PCDHGB5: variants seen among roughly 807,000 people sequenced by gnomAD.
PCDHGB5 encodes the protein protocadherin gamma-B5.
PCDHGB5 carries 48 observed loss-of-function variants against 62.9 expected under a neutral mutation model. The ratio of observed to expected loss-of-function variants is 0.76; its 90% CI spans 0.61 to 0.97. PCDHGB5 has a LOEUF of 0.97. Among genes scored for constraint, PCDHGB5 ranks in the 50% least tolerant of loss-of-function variants. The pLI is 0.00. For synonymous variants in PCDHGB5, 474 were observed against 511.2 expected (o/e 0.93, Z 0.98); for missense variants, 1,118 against 1,198.6 (o/e 0.93, Z 0.99).
rs1333951046 is a variant in PCDHGB5, at chr5:141,485,847, C to T, written c.2398-8960C>T. 10 of 1,614,092 alleles carry T rather than the reference C, an allele frequency of 6.2e-6. No individual in the cohort carries two copies. In the African/African-American group the frequency reaches 8.0e-5, roughly 13 times the overall value. On this transcript the variant is annotated intron_variant, in intron 1 of 3. Transcript: ENST00000617380. This position sits in a 1 kb window ranked among gnomAD's most constrained non-coding sequence, Gnocchi z 5.7. ...GGAGGGAACCCGCCGAGATCTGGCA[C>T]CGCAGAGCTCCGGGTATCCGTGCTG...
At chr5:141,460,453 A>G (rs1487816393) in intron 1 of PCDHGB5, among the ~76,000 whole-genome samples, 1 of 152,152 alleles carries the variant, frequency 6.6e-6, no homozygotes, top group Non-Finnish European at 1.5e-5. Flanking sequence ...ATGAAGATTC[A>G]TATTTTTTTC....
At chr5:141,446,221 T>C (rs2098493855) in intron 1 of PCDHGB5, among the ~76,000 whole-genome samples, 1 of 152,164 alleles carries the variant, frequency 6.6e-6, no homozygotes, top group African/African-American at 2.4e-5. Flanking sequence ...AATATTGTTG[T>C]GTTGCCTGGC....
intron 1 of PCDHGB5, chr5:141,471,339 C>G (rs537413312): frequency 2.6e-5 from 4 of 152,366 alleles, no homozygotes; most frequent in Admixed American, 2.6e-4. Context: ...GTATGATCCA[C>G]TGCGCCCGGC....
chr5:141,408,909 A>G lies in PCDHGB5; in HGVS notation c.2397+8385A>G, dbSNP rs746399377. On this transcript the variant is annotated intron_variant, in intron 1 of 3. Transcript: ENST00000617380. ...ATAGAAATTTCTGTCAAGGATACCA[A>G]TGATAACCCCCCGGTTTTCAGCAGA... 1.3e-5 allele frequency: 21 copies of G among 1,613,442 alleles called. No individual in the cohort carries two copies. In the East Asian group the frequency reaches 2.5e-4, roughly 19 times the overall value.
chr5:141,477,878 C>T lies in PCDHGB5; in HGVS notation c.2398-16929C>T. On this transcript the variant is annotated intron_variant, in intron 1 of 3. Coordinates refer to ENST00000617380, the MANE Select transcript of PCDHGB5 (RefSeq NM_018925.3). The surrounding 1 kb of genome is among the most constrained non-coding windows in gnomAD (Gnocchi z 4.9). ...GCTGCCTCGAGGTACCTCAGCTGGC[C>T]ACCTAGTGTCACGGGTGGTAGGCTG... 2.5e-6 allele frequency: 4 copies of T among 1,614,158 alleles called. No individual in the cohort carries two copies. Among genetic ancestry groups the T allele is most frequent in the Non-Finnish European group, 3.4e-6 (4 of 1,180,008 alleles).
chr5:141,415,105 C>T (rs1472993181), intron 1 of PCDHGB5: 1 of 1,613,652 alleles, frequency 6.2e-7, no homozygotes, highest in African/African-American at 1.3e-5. Flanking sequence ...CGCGCTCAAG[C>T]AAAGCCTCGT....
intron 1 of PCDHGB5, among the ~76,000 whole-genome samples, chr5:141,445,356 A>C (rs1333905692): frequency 6.6e-6 from 1 of 152,202 alleles, no homozygotes; most frequent in Non-Finnish European, 1.5e-5. Flanking sequence ...TGTCTGCCCA[A>C]GTCTGGTCCT....
intron 1 of PCDHGB5, chr5:141,409,917 C>G: frequency 6.2e-7 from 1 of 1,613,376 alleles, no homozygotes; most frequent in South Asian, 1.1e-5. Flanking sequence ...CCTGACGGCT[C>G]CGCGTTCTTC....
intron 3 of PCDHGB5, among the ~76,000 whole-genome samples, chr5:141,506,925 A>G (rs1287267937): frequency 1.3e-5 from 2 of 152,152 alleles, no homozygotes; most frequent in African/African-American, 4.8e-5. Context: ...ATACTAAACA[A>G]ACTTTAGGGG....
intron 1 of PCDHGB5, among the ~76,000 whole-genome samples, chr5:141,455,138 T>C (rs1393664563): frequency 6.6e-6 from 1 of 151,028 alleles, no homozygotes; most frequent in Non-Finnish European, 1.5e-5. Context: ...TTACACTGTG[T>C]TAAATAAATA....
At chr5:141,488,472 T>C (rs1183465817) in intron 1 of PCDHGB5, among the ~76,000 whole-genome samples, 1 of 152,096 alleles carries the variant, frequency 6.6e-6, no homozygotes, top group East Asian at 1.9e-4. Context: ...CCAGAAATGT[T>C]CCCCTACCCA....
chr5:141,452,358 T>C (rs2098739424), intron 1 of PCDHGB5, among the ~76,000 whole-genome samples: 1 of 152,236 alleles, frequency 6.6e-6, no homozygotes, highest in African/African-American at 2.4e-5. Context: ...CCAAAAGCCT[T>C]GCTTCATTTT....
intron 1 of PCDHGB5, among the ~76,000 whole-genome samples, chr5:141,467,304 C>T (rs567912553): frequency 2.0e-5 from 3 of 152,266 alleles, no homozygotes; most frequent in Admixed American, 6.5e-5. Flanking sequence ...CCACTCACCT[C>T]GGCCTCCCAC....
At chr5:141,478,345 C>T (rs755421316) in intron 1 of PCDHGB5, 3 of 1,613,850 alleles carry the variant, frequency 1.9e-6, no homozygotes, top group East Asian at 4.5e-5. Context: ...CCTCCTTGCA[C>T]GCGGACGCCG....
Position 141,476,836 on chromosome 5 carries a change from T to G in PCDHGB5, c.2398-17971T>G. 1 of 1,613,652 alleles carries G rather than the reference T, an allele frequency of 6.2e-7. No homozygotes were observed. The highest frequency in any genetic ancestry group is 8.5e-7 in the Non-Finnish European group (1 of 1,180,042). On this transcript the variant is annotated intron_variant, in intron 1 of 3. Coordinates refer to ENST00000617380, the MANE Select transcript of PCDHGB5 (RefSeq NM_018925.3). The surrounding 1 kb of genome is among the most constrained non-coding windows in gnomAD (Gnocchi z 7.6). ...TCAAGGTGCTGGACGCGAATGACAATGCGCCTGTCTTCAACCAGTCCTTGT... is the reference window on the plus strand; with the variant it reads ...TCAAGGTGCTGGACGCGAATGACAAGGCGCCTGTCTTCAACCAGTCCTTGT...
At chr5:141,412,385 AT>A (rs1277702119) in intron 1 of PCDHGB5, 2 of 152,236 alleles carry the variant, frequency 1.3e-5, no homozygotes, top group Admixed American at 1.3e-4. Flanking sequence ...AAATAGGTCC[AT>A]TTAACTTGTA....
At chr5:141,448,907 T>G (rs1253773780) in intron 1 of PCDHGB5, among the ~76,000 whole-genome samples, 1 of 152,178 alleles carries the variant, frequency 6.6e-6, no homozygotes, top group African/African-American at 2.4e-5. Flanking sequence ...ATCGTGCCAC[T>G]GCACTCCAGC....
intron 1 of PCDHGB5, chr5:141,402,878 G>A: frequency 1.4e-6 from 2 of 1,471,050 alleles, no homozygotes; most frequent in Non-Finnish European, 1.8e-6. Context: ...ACCATACTTT[G>A]CAGGGTGGAA....
chr5:141,494,613 G>A (rs2099755672), intron 1 of PCDHGB5, among the ~76,000 whole-genome samples, 194 bp from the exon 2 acceptor site: 1 of 152,136 alleles, frequency 6.6e-6, no homozygotes, highest in Non-Finnish European at 1.5e-5. Context: ...TTATCTCTTG[G>A]TTTCTGGTAC....
Sources: allele counts gnomAD v4.1 joint callset (sites outside exome capture counted in the v4.1 genomes callset), GRCh38; gene constraint gnomAD v4.1.1; non-coding constraint Gnocchi (gnomAD v3.1); transcripts MANE v1.5; gene names NCBI Gene and HGNC (gene_info 2026-07-23, HGNC 2026-07-21).